PDE1C: variants seen among roughly 807,000 people sequenced by gnomAD.
PDE1C encodes the protein dual specificity calcium/calmodulin-dependent 3',5'-cyclic nucleotide phosphodiesterase 1C.
PDE1C carries 62 observed loss-of-function variants against 93.1 expected under a neutral mutation model. That is an observed-to-expected ratio of 0.67 (90% CI 0.54 to 0.82). The LOEUF (loss-of-function observed/expected upper bound fraction) is 0.82, where lower values mean the gene tolerates loss of function less well. Among genes scored for constraint, PDE1C ranks in the 40% least tolerant of loss-of-function variants. The pLI, the probability that PDE1C is intolerant of heterozygous loss-of-function variation, is 0.00. For missense variants in PDE1C, 742 were observed against 884.6 expected (o/e 0.84, Z 2.04); for synonymous variants, 325 against 310.1 (o/e 1.05, Z -0.50).
chr7:31,637,719 G>T, the PDE1C span, among the ~76,000 whole-genome samples: 10 of 152,112 alleles, frequency 6.6e-5, no homozygotes, highest in Non-Finnish European at 1.5e-4. Flanking sequence ...TTCTATTGCT[G>T]TGCAGAAGCT....
intron 2 of PDE1C, among the ~76,000 whole-genome samples, chr7:31,981,200 G>T (rs775532423): frequency 1.3e-5 from 2 of 152,082 alleles, no homozygotes; most frequent in Admixed American, 6.6e-5. Flanking sequence ...AATAAGCTAT[G>T]TCAGGCTATA....
At chr7:32,230,345 C>A (rs1807606039) in intron 1 of PDE1C, among the ~76,000 whole-genome samples, 1 of 152,172 alleles carries the variant, frequency 6.6e-6, no homozygotes, top group Non-Finnish European at 1.5e-5. Context: ...TTGGAAGATG[C>A]CAATTAAAAT....
chr7:32,345,830 C>T (rs970258665), intron 1 of PDE1C, among the ~76,000 whole-genome samples: 15 of 152,276 alleles, frequency 9.9e-5, no homozygotes, highest in Non-Finnish European at 1.9e-4. Context: ...GAATGGCTAT[C>T]ATCAAAAAGA....
chr7:32,342,236 C>A (rs1399380429), intron 1 of PDE1C, among the ~76,000 whole-genome samples: 1 of 152,170 alleles, frequency 6.6e-6, no homozygotes, highest in Admixed American at 6.5e-5. Flanking sequence ...AAATCAGACA[C>A]CAATTCTGCT....
intron 1 of PDE1C, among the ~76,000 whole-genome samples, chr7:32,258,000 C>T (rs1000665155): frequency 6.6e-6 from 1 of 152,248 alleles, no homozygotes; most frequent in Non-Finnish European, 1.5e-5. Flanking sequence ...GGATAATCTC[C>T]AAAGAGCCAA....
At chr7:31,852,264 A>G (rs188966600) in intron 7 of PDE1C, among the ~76,000 whole-genome samples, 143 of 152,348 alleles carry the variant, frequency 9.4e-4, no homozygotes, top group African/African-American at 3.2e-3. Context: ...ATAAACCACT[A>G]TACTTTTGAA....
At chr7:31,963,926 C>T (rs752731388) in intron 2 of PDE1C, among the ~76,000 whole-genome samples, 1 of 152,170 alleles carries the variant, frequency 6.6e-6, no homozygotes, top group African/African-American at 2.4e-5. Context: ...AATACTAAAT[C>T]ATGAAGCATG....
rs539210567 is a variant in PDE1C at position 32,335,323 on chromosome 7, C to T, written c.310+92499G>A. On this transcript the variant is annotated intron_variant, in intron 1 of 1. Transcript: ENST00000672256. ...CTCACTTGGGCCCTAAGGGAACTGTCTCTCCCATCTCTAAGGCCCAGAAGG... is the reference window on the plus strand; with the variant it reads ...CTCACTTGGGCCCTAAGGGAACTGTTTCTCCCATCTCTAAGGCCCAGAAGG... Among the ~76,000 whole-genome samples, 157 of 152,292 alleles carry T rather than the reference C, an allele frequency of 1.0e-3. 3 individuals are homozygous for T. The Middle Eastern group carries it at 0.031, about 30-fold the overall frequency.
At chr7:31,761,093 A>ACAACGATAAGAATTTAACTT in intron 17 of PDE1C, among the ~76,000 whole-genome samples, 1 of 44,266 alleles carries the variant, frequency 2.3e-5, no homozygotes, top group East Asian at 4.2e-4. Flanking sequence ...TGTACTGGGC[A>ACAACGATAAGAATTTAACTT]TGTATTTTGG....
intron 2 of PDE1C, among the ~76,000 whole-genome samples, chr7:32,199,064 A>G (rs1316548552): frequency 2.6e-5 from 4 of 152,082 alleles, no homozygotes. Context: ...CGGAGGTTGC[A>G]GTGAACCAAG....
At chr7:31,849,650 T>A (rs1793078001) in intron 8 of PDE1C, among the ~76,000 whole-genome samples, 1 of 152,216 alleles carries the variant, frequency 6.6e-6, no homozygotes, top group African/African-American at 2.4e-5. Flanking sequence ...CACCTGCTTT[T>A]TCAAGTGAAA....
At chr7:32,363,455 C>T (rs1438191564) in intron 1 of PDE1C, among the ~76,000 whole-genome samples, 1 of 152,218 alleles carries the variant, frequency 6.6e-6, no homozygotes, top group Admixed American at 6.5e-5. Context: ...AGAATATTTC[C>T]TAGGATACAA....
At chr7:32,394,068 G>A (rs1001158088) in intron 1 of PDE1C, among the ~76,000 whole-genome samples, 1 of 152,194 alleles carries the variant, frequency 6.6e-6, no homozygotes, top group Non-Finnish European at 1.5e-5. Flanking sequence ...GTACAAAGCT[G>A]TTGTGGACAA....
intron 1 of PDE1C, among the ~76,000 whole-genome samples, chr7:32,405,249 T>G (rs987814540): frequency 3.5e-5 from 2 of 57,318 alleles, no homozygotes; most frequent in Admixed American, 3.0e-4. Flanking sequence ...ATTTTTTCTT[T>G]TTTCTTTTTT....
At chr7:32,281,161 G>A (rs1469516275) in intron 1 of PDE1C, among the ~76,000 whole-genome samples, 1 of 151,998 alleles carries the variant, frequency 6.6e-6, no homozygotes, top group South Asian at 2.1e-4. Flanking sequence ...ATGAAGTAAG[G>A]ATTTAAATAT....
At chr7:32,249,130 C>G (rs1809175920) in intron 1 of PDE1C, among the ~76,000 whole-genome samples, 1 of 151,962 alleles carries the variant, frequency 6.6e-6, no homozygotes, top group Non-Finnish European at 1.5e-5. Flanking sequence ...GTACCCTTCA[C>G]AGCTGGCAGT....
intron 2 of PDE1C, among the ~76,000 whole-genome samples, chr7:32,206,676 T>C (rs1584957784): frequency 1.3e-5 from 2 of 152,168 alleles, no homozygotes; most frequent in East Asian, 3.9e-4. Context: ...GCGGCACCCA[T>C]GTGAGGTGCC....
the PDE1C span, among the ~76,000 whole-genome samples, chr7:31,713,036 C>A: frequency 2.6e-5 from 4 of 152,154 alleles, no homozygotes; most frequent in African/African-American, 4.8e-5. Flanking sequence ...ATTTCAAAAC[C>A]AATCATGTCT....
rs3078631 is a variant in PDE1C, at chr7:31,996,066, G to GACACACAC, written c.128+55480_128+55487dup. On this transcript the variant is annotated intron_variant, in intron 2 of 17. Coordinates refer to ENST00000396191, the MANE Select transcript of PDE1C (RefSeq NM_001191057.4). ...AACCATCTGTCTCTTTACGCTTCCG[G>GACACACAC]ACACACACACACACACACACACACA... Among the ~76,000 whole-genome samples, 373 of 138,632 alleles carry GACACACAC rather than the reference G, an allele frequency of 2.7e-3. 1 individual carries two copies. The highest frequency in any genetic ancestry group is 8.2e-3 in the Admixed American group (113 of 13,818). 90.9% of individuals were successfully genotyped at this position (138,632 alleles called of 152,430 possible).
Sources: allele counts gnomAD v4.1 joint callset (sites outside exome capture counted in the v4.1 genomes callset), GRCh38; gene constraint gnomAD v4.1.1; transcripts MANE v1.5; gene names NCBI Gene and HGNC (gene_info 2026-07-23, HGNC 2026-07-21).